ITIH2: variants seen among roughly 807,000 people sequenced by gnomAD.
ITIH2 encodes the protein inter-alpha-trypsin inhibitor heavy chain 2, also known as inter-alpha-trypsin inhibitor heavy chain H2.
A neutral mutation model predicts 104.4 loss-of-function variants in ITIH2; 103 were observed. The observed-to-expected ratio is 0.99, with a 90% confidence interval of 0.84 to 1.16. The LOEUF (loss-of-function observed/expected upper bound fraction) is 1.16, where lower values mean the gene tolerates loss of function less well. Among genes scored for constraint, ITIH2 ranks in the 50% most tolerant of loss-of-function variants. The pLI, the probability that ITIH2 is intolerant of heterozygous loss-of-function variation, is 0.00. For missense variants in ITIH2, 1,108 were observed against 1,162.4 expected, an observed-to-expected ratio of 0.95 and a Z score of 0.68; for synonymous variants, 436 against 435.4, an observed-to-expected ratio of 1.00 and a Z score of -0.02.
intron 11 of ITIH2, among the ~76,000 whole-genome samples, chr10:7,729,614 T>C (rs993209640): frequency 3.9e-5 from 6 of 152,212 alleles, no homozygotes; most frequent in African/African-American, 1.4e-4. Flanking sequence ...TTGTCTGGTA[T>C]ACATACATAA....
At chr10:7,749,142 G>A (rs1474594729) in intron 20 of ITIH2, 45 bp from the exon 21 acceptor site, 1 of 1,600,714 alleles carries the variant, frequency 6.2e-7, no homozygotes, top group African/African-American at 1.3e-5. Flanking sequence ...CTTGTGTCTA[G>A]AGGTGCTCAG....
chr10:7,736,327 T>C (rs1033639911), intron 15 of ITIH2, among the ~76,000 whole-genome samples: 3 of 152,144 alleles, frequency 2.0e-5, no homozygotes, highest in African/African-American at 4.8e-5. Flanking sequence ...ATCACACCAC[T>C]GCACTCCAGC....
At chr10:7,726,682 C>T (rs1380076075) in intron 9 of ITIH2, among the ~76,000 whole-genome samples, 3 of 152,048 alleles carry the variant, frequency 2.0e-5, no homozygotes, top group African/African-American at 4.8e-5. Context: ...AGGTGGCACT[C>T]GAAGTTTGTG....
At chr10:7,724,247 A>G (rs1834931892) in intron 9 of ITIH2, among the ~76,000 whole-genome samples, 1 of 152,166 alleles carries the variant, frequency 6.6e-6, no homozygotes, top group Non-Finnish European at 1.5e-5. Context: ...AGAGTTCACT[A>G]CTACCCTAAG....
intron 12 of ITIH2, 45 bp from the exon 13 acceptor site, chr10:7,731,766 A>C: frequency 7.6e-7 from 1 of 1,322,254 alleles, no homozygotes; most frequent in South Asian, 1.4e-5. Context: ...TAGATCTACA[A>C]AGCAGTAGGA....
intron 13 of ITIH2, 109 bp downstream of exon 13, chr10:7,732,105 T>A: frequency 1.1e-6 from 1 of 948,772 alleles, no homozygotes; most frequent in Non-Finnish European, 1.6e-6. Context: ...ACAGAAGCAA[T>A]CAGTGATGGA....
chr10:7,735,558 C>T (rs973877704), intron 15 of ITIH2, among the ~76,000 whole-genome samples: 4 of 152,010 alleles, frequency 2.6e-5, no homozygotes, highest in Admixed American at 2.6e-4. Context: ...AATTCCTGGA[C>T]AACAAATACA....
intron 12 of ITIH2, 47 bp downstream of exon 12, chr10:7,730,180 T>A: frequency 1.5e-6 from 2 of 1,359,750 alleles, no homozygotes; most frequent in East Asian, 2.3e-5. Context: ...GGAAATCATT[T>A]AACTACCCAT....
rs1003890942 is a variant in ITIH2 at position 7,744,062 on chromosome 10, C to T, written c.2210-20C>T. 1 of 1,597,392 alleles carries T rather than the reference C, an allele frequency of 6.3e-7. No homozygotes were observed. Among genetic ancestry groups the T allele is most frequent in the Non-Finnish European group, 8.6e-7 (1 of 1,166,188 alleles). ...ATAAATGGCACAGAAGAGAAAACAT[C>T]ATTTTTTTCTTTCCTGTAGGAATTG... On this transcript the variant is annotated intron_variant, in intron 17 of 20. Coordinates refer to ENST00000358415, the MANE Select transcript of ITIH2 (RefSeq NM_002216.3).
chr10:7,734,731 T>A (rs1262593449), intron 14 of ITIH2, among the ~76,000 whole-genome samples, 191 bp from the exon 15 acceptor site: 2 of 152,142 alleles, frequency 1.3e-5, no homozygotes, highest in Non-Finnish European at 2.9e-5. Context: ...AAATAAATAA[T>A]GCCTTGGGAC....
chr10:7,733,115 T>G (rs1238035442), intron 14 of ITIH2, among the ~76,000 whole-genome samples: 1 of 152,100 alleles, frequency 6.6e-6, no homozygotes, highest in Non-Finnish European at 1.5e-5. Context: ...GTAGGTTCCC[T>G]TGTTCTCCCT....
At chr10:7,727,196 C>T in intron 10 of ITIH2, 78 bp downstream of exon 10, 1 of 1,213,468 alleles carries the variant, frequency 8.2e-7, no homozygotes, top group South Asian at 1.5e-5. Context: ...GCATTATTCC[C>T]ATCACAGTGG....
intron 5 of ITIH2, among the ~76,000 whole-genome samples, chr10:7,716,752 A>G (rs76403809): frequency 8.6e-5 from 13 of 151,812 alleles, no homozygotes; most frequent in Non-Finnish European, 1.3e-4. Context: ...AAAAAAAAAA[A>G]AAAGAGAAAC....
intron 5 of ITIH2, among the ~76,000 whole-genome samples, chr10:7,714,077 A>C (rs917709411): frequency 2.0e-5 from 3 of 151,932 alleles, no homozygotes; most frequent in Non-Finnish European, 2.9e-5. Flanking sequence ...GGGAATGCCA[A>C]GCCACCCTCA....
chr10:7,729,972 A>G lies in ITIH2; in HGVS notation c.1300A>G (p.Ile434Val). ...PTVGELKLSKIQKNVKENIQD... is the reference protein window; with the variant it reads ...PTVGELKLSKVQKNVKENIQD... ...TTTAGGCGAACTAAAACTGTCAAAA[A>G]TTCAGAAAAACGTTAAGGAGAACAT... The change falls in exon 12 of 21, where the codon ATT becomes GTT. Residue 434 changes from isoleucine to valine, a missense_variant. Coordinates refer to ENST00000358415, the MANE Select transcript of ITIH2 (RefSeq NM_002216.3). The G allele has an allele frequency of 6.2e-7, 1 of 1,603,980 alleles. No homozygotes were observed. Among genetic ancestry groups the G allele is most frequent in the South Asian group, 1.1e-5 (1 of 88,188 alleles).
Position 7,730,025 on chromosome 10 carries a change from G to T in ITIH2, c.1353G>T (p.Leu451Phe). Residue 451 changes from leucine (L) to phenylalanine (F), a missense_variant, in exon 12 of 21, where the codon TTG becomes TTT. Coordinates refer to ENST00000358415, the MANE Select transcript of ITIH2 (RefSeq NM_002216.3). ...NIQDNISLFSLGMGFDVDYDF... is the reference protein window; with the variant it reads ...NIQDNISLFSFGMGFDVDYDF... ...AAGACAATATCTCCTTGTTCAGTTTGGGCATGGGATTTGATGTGGACTATG... is the reference window on the plus strand; with the variant it reads ...AAGACAATATCTCCTTGTTCAGTTTTGGCATGGGATTTGATGTGGACTATG... 6.2e-7 allele frequency: 1 copy of T among 1,612,920 alleles called. No homozygotes were observed. Among genetic ancestry groups the T allele is most frequent in the Non-Finnish European group, 8.5e-7 (1 of 1,179,088 alleles).
intron 20 of ITIH2, among the ~76,000 whole-genome samples, chr10:7,747,235 T>C (rs572027323): frequency 1.3e-5 from 2 of 152,316 alleles, no homozygotes; most frequent in African/African-American, 4.8e-5. Flanking sequence ...CCCAGTCCTT[T>C]ACAGTTGTCT....
chr10:7,716,714 C>T (rs1466579074), intron 5 of ITIH2, among the ~76,000 whole-genome samples: 1 of 131,920 alleles, frequency 7.6e-6, no homozygotes, highest in Admixed American at 8.9e-5. Flanking sequence ...ACAGCCTGGG[C>T]AGCAGAGCGA....
Position 7,743,268 on chromosome 10 carries a change from A to C in ITIH2, c.2209+9A>C, listed in dbSNP as rs1564307656. The C allele has an allele frequency of 7.2e-7, 1 of 1,389,918 alleles. No homozygotes were observed. The highest frequency in any genetic ancestry group is 1.4e-5 in the African/African-American group (1 of 69,582). The allele number at this position is 1,389,918 out of a possible 1,614,324, so 86.1% of individuals were successfully genotyped here. On this transcript the variant is annotated intron_variant, in intron 17 of 20. Coordinates refer to ENST00000358415, the MANE Select transcript of ITIH2 (RefSeq NM_002216.3). Reference sequence around the variant, plus strand: ...TTCTGACCCAGAATCAGGTAAAATAAAAATAAATTATATTTGCACCAATTA... The same window carrying C: ...TTCTGACCCAGAATCAGGTAAAATACAAATAAATTATATTTGCACCAATTA...
Sources: gnomAD v4.1 joint callset for allele counts (sites outside exome capture counted in the v4.1 genomes callset) on GRCh38, gnomAD v4.1.1 for gene constraint, MANE v1.5 for transcripts, NCBI Gene and HGNC (gene_info 2026-07-23, HGNC 2026-07-21) for gene names.